CDH13: variants seen among roughly 807,000 people sequenced by gnomAD.
CDH13 encodes cadherin-13.
Under a neutral mutation model 63.8 loss-of-function variants are expected in CDH13, and 24 were observed. That is an observed-to-expected ratio of 0.38 (90% confidence interval 0.27 to 0.53). The LOEUF is 0.53. Among genes scored for constraint, CDH13 ranks in the 20% least tolerant of loss-of-function variants. The pLI is 0.85. For synonymous variants in CDH13, 503 were observed against 355.3 expected (o/e 1.42, Z -4.67); for missense variants, 1,049 against 903.1 (o/e 1.16, Z -2.07).
chr16:82,814,029 TC>T (rs1190885149), intron 1 of CDH13, among the ~76,000 whole-genome samples: 1 of 152,006 alleles, frequency 6.6e-6, no homozygotes, highest in Non-Finnish European at 1.5e-5. Flanking sequence ...GGCTGTGGAG[TC>T]TAACTGCACA....
chr16:82,630,663 G>A (rs773919971), intron 1 of CDH13, among the ~76,000 whole-genome samples: 1 of 152,240 alleles, frequency 6.6e-6, no homozygotes, highest in Admixed American at 6.5e-5. Context: ...TTAGGTTAAA[G>A]TGTAGCTAGG....
chr16:83,602,323 A>T (rs755783390), intron 7 of CDH13, 131 bp from the exon 8 acceptor site: 1 of 868,834 alleles, frequency 1.2e-6, no homozygotes, highest in Non-Finnish European at 2.0e-6. Context: ...TAAAAATGTT[A>T]TCACTCTTTA....
chr16:82,736,057 A>C (rs2033656241), intron 1 of CDH13, among the ~76,000 whole-genome samples: 1 of 152,168 alleles, frequency 6.6e-6, no homozygotes. Context: ...ATTCATGAAA[A>C]ACCTGAAGTG....
intron 6 of CDH13, among the ~76,000 whole-genome samples, chr16:83,453,904 T>G (rs2072953701): frequency 6.6e-6 from 1 of 152,170 alleles, no homozygotes; most frequent in Non-Finnish European, 1.5e-5. Flanking sequence ...TTGCCATGAG[T>G]CTGTAGTGCC....
intron 6 of CDH13, among the ~76,000 whole-genome samples, chr16:83,396,084 G>C (rs2091881580): frequency 6.6e-6 from 1 of 152,186 alleles, no homozygotes; most frequent in East Asian, 1.9e-4. Context: ...TAAGGATAAT[G>C]GCCTCCAGTT....
chr16:83,093,431 G>A (rs1415674043), intron 3 of CDH13, among the ~76,000 whole-genome samples: 1 of 144,860 alleles, frequency 6.9e-6, no homozygotes, highest in Non-Finnish European at 1.5e-5. Flanking sequence ...CGATTCTCCT[G>A]CCTCAGCCTA....
chr16:83,116,260 C>G (rs1228746720), intron 3 of CDH13, among the ~76,000 whole-genome samples: 1 of 152,212 alleles, frequency 6.6e-6, no homozygotes, highest in Non-Finnish European at 1.5e-5. Context: ...GGGAAATAGA[C>G]CACGCAACCG....
At chr16:83,455,855 G>C (rs979019981) in intron 6 of CDH13, among the ~76,000 whole-genome samples, 1 of 152,214 alleles carries the variant, frequency 6.6e-6, no homozygotes, top group African/African-American at 2.4e-5. Flanking sequence ...GTGCTAGCTG[G>C]AAACAAATCA....
intron 6 of CDH13, among the ~76,000 whole-genome samples, chr16:83,379,357 C>G (rs1361862366): frequency 1.3e-5 from 2 of 152,118 alleles, no homozygotes; most frequent in Non-Finnish European, 2.9e-5. Flanking sequence ...GCCTATGGTA[C>G]AAAGTCACTC....
chr16:83,493,152 A>C (rs1358532076), intron 7 of CDH13, among the ~76,000 whole-genome samples: 4 of 152,244 alleles, frequency 2.6e-5, no homozygotes, highest in Non-Finnish European at 4.4e-5. Flanking sequence ...AAGATGTGCC[A>C]AGTACTAGCG....
chr16:82,713,495 C>T (rs2032114810), intron 1 of CDH13, among the ~76,000 whole-genome samples: 3 of 152,168 alleles, frequency 2.0e-5, no homozygotes, highest in Admixed American at 6.5e-5. Context: ...CTTCTCTGTG[C>T]TTCCTCTGCC....
At position 83,179,057 on chromosome 16, in the gene CDH13, C is replaced by A. The variant is rs568633899; in HGVS notation, c.484-38288C>A. On this transcript the variant is annotated intron_variant, in intron 4 of 13. Transcript: ENST00000567109. ...TATGCATTAAGCCTCAACAAATGCG[C>A]CACCCTATTGGCAATTATGGAATTC... 2.0e-5 allele frequency among the ~76,000 whole-genome samples: 3 copies of A among 152,286 alleles called. No homozygotes were observed. The South Asian group carries it at 6.2e-4, about 32-fold the overall frequency.
intron 3 of CDH13, among the ~76,000 whole-genome samples, chr16:83,050,257 C>T (rs1206853261): frequency 6.6e-6 from 1 of 152,116 alleles, no homozygotes; most frequent in East Asian, 1.9e-4. Flanking sequence ...GAATTGCTGG[C>T]TCAAATGATA....
chr16:83,040,114 G>T (rs1266094205), intron 3 of CDH13, among the ~76,000 whole-genome samples: 5 of 151,760 alleles, frequency 3.3e-5, no homozygotes, highest in Non-Finnish European at 7.4e-5. Context: ...TCTGGGGCCA[G>T]ACCACCTTGG....
At chr16:82,901,332 G>GTA (rs2041461727) in intron 2 of CDH13, among the ~76,000 whole-genome samples, 1 of 145,190 alleles carries the variant, frequency 6.9e-6, no homozygotes, top group African/African-American at 2.5e-5. Flanking sequence ...TCCTGTGTGT[G>GTA]TGTGTGTGTG....
intron 6 of CDH13, among the ~76,000 whole-genome samples, chr16:83,351,301 A>C (rs1225927854): frequency 8.6e-6 from 1 of 116,402 alleles, no homozygotes; most frequent in Non-Finnish European, 1.8e-5. Context: ...TTTTTTCCTT[A>C]GGTAGATATA....
chr16:82,947,177 C>T (rs1389983274), intron 2 of CDH13, among the ~76,000 whole-genome samples: 2 of 152,094 alleles, frequency 1.3e-5, no homozygotes, highest in Non-Finnish European at 2.9e-5. Context: ...ATCCATCACA[C>T]CTCAACCAGA....
At chr16:83,216,429 T>TAAATATATATATATATATATATATAA (rs1555513903) in intron 4 of CDH13, among the ~76,000 whole-genome samples, 1 of 105,696 alleles carries the variant, frequency 9.5e-6, no homozygotes, top group African/African-American at 3.3e-5. Flanking sequence ...TATATATATA[T>TAAATATATATATATATATATATATAA]ATATATATAT....
chr16:82,863,566 T>C (rs2040021124), intron 2 of CDH13, among the ~76,000 whole-genome samples: 1 of 152,230 alleles, frequency 6.6e-6, no homozygotes, highest in East Asian at 1.9e-4. Flanking sequence ...AGAAGATTAA[T>C]GGTAGTCCCT....
Sources: gnomAD v4.1 joint callset for allele counts (sites outside exome capture counted in the v4.1 genomes callset) on GRCh38, gnomAD v4.1.1 for gene constraint, MANE v1.5 for transcripts, NCBI Gene and HGNC (gene_info 2026-07-23, HGNC 2026-07-21) for gene names.